Variants in PIK3AP1 observed in about 807,000 individuals in gnomAD.
PIK3AP1 encodes phosphoinositide 3-kinase adapter protein 1.
A neutral mutation model predicts 88.1 loss-of-function variants in PIK3AP1; 21 were observed. The ratio of observed to expected loss-of-function variants is 0.24; its 90% CI spans 0.17 to 0.34. The LOEUF is 0.34. Among genes scored for constraint, PIK3AP1 ranks in the 10% least tolerant of loss-of-function variants. PIK3AP1 has a pLI of 1.00. For synonymous variants in PIK3AP1, 398 were observed against 400.0 expected (o/e 1.00, Z 0.06); for missense variants, 828 against 1,035.7 (o/e 0.80, Z 2.75).
intron 7 of PIK3AP1, among the ~76,000 whole-genome samples, chr10:96,646,287 C>T (rs969960966): frequency 1.3e-5 from 2 of 151,930 alleles, no homozygotes; most frequent in Admixed American, 1.3e-4. Context: ...TTCCCGTGAG[C>T]ACCTTTTAAA....
intron 8 of PIK3AP1, among the ~76,000 whole-genome samples, chr10:96,632,308 A>G (rs906829596): frequency 3.3e-5 from 5 of 152,154 alleles, no homozygotes; most frequent in Non-Finnish European, 5.9e-5. Flanking sequence ...TAATTGTACT[A>G]TGGTTATGTA....
chr10:96,611,377 G>T (rs1480107127), intron 13 of PIK3AP1, among the ~76,000 whole-genome samples: 1 of 152,132 alleles, frequency 6.6e-6, no homozygotes, highest in African/African-American at 2.4e-5. Flanking sequence ...ATAGCCAGGG[G>T]CACTCACTCT....
At chr10:96,699,577 C>G (rs979715932) in intron 2 of PIK3AP1, among the ~76,000 whole-genome samples, 4 of 152,194 alleles carry the variant, frequency 2.6e-5, no homozygotes, top group Non-Finnish European at 4.4e-5. Flanking sequence ...GACACCATCA[C>G]AGCAGTGACT....
At chr10:96,600,758 A>G (rs976769860) in intron 16 of PIK3AP1, among the ~76,000 whole-genome samples, 3 of 152,250 alleles carry the variant, frequency 2.0e-5, no homozygotes, top group African/African-American at 7.2e-5. Context: ...TGCAAAAATC[A>G]AAACAAAACC....
chr10:96,666,777 T>C (rs929091297), intron 2 of PIK3AP1, among the ~76,000 whole-genome samples: 1 of 152,052 alleles, frequency 6.6e-6, no homozygotes, highest in African/African-American at 2.4e-5. Context: ...TCAATGCTTA[T>C]TCCCATTTTA....
chr10:96,662,091 A>G (rs2134244247), intron 2 of PIK3AP1, among the ~76,000 whole-genome samples: 1 of 152,332 alleles, frequency 6.6e-6, no homozygotes, highest in Middle Eastern at 3.4e-3. Flanking sequence ...TAAATTTAAA[A>G]CTTTAGTAAA....
rs1472506960 is a variant in PIK3AP1, at chr10:96,637,309, T to TACAATC, written c.1375+8158_1375+8163dup. ...GGGAGAGGAAGATGTGGGAGAGATA[T>TACAATC]ACAATCACACACACACACACACACA... On this transcript the variant is annotated intron_variant, in intron 8 of 16. Transcript: ENST00000339364. Among the ~76,000 whole-genome samples the TACAATC allele has an allele frequency of 2.6e-5, 3 of 114,768 alleles. No homozygotes were observed. In the East Asian group the frequency reaches 8.6e-4, roughly 33 times the overall value. 75.3% of individuals were successfully genotyped at this position (114,768 alleles called of 152,430 possible).
chr10:96,601,263 C>G (rs1848884541), intron 16 of PIK3AP1, among the ~76,000 whole-genome samples: 1 of 151,874 alleles, frequency 6.6e-6, no homozygotes, highest in South Asian at 2.1e-4. Flanking sequence ...TACCTGAAGT[C>G]AGGAGTTCGA....
chr10:96,673,505 C>T (rs547564923), intron 2 of PIK3AP1, among the ~76,000 whole-genome samples: 10 of 152,322 alleles, frequency 6.6e-5, no homozygotes, highest in African/African-American at 2.2e-4. Context: ...CAGCCCCCCC[C>T]GAAAGGCTTC....
chr10:96,658,063 C>CA lies in PIK3AP1; in HGVS notation c.431-1130dup, dbSNP rs10706863. Among the ~76,000 whole-genome samples the CA allele has an allele frequency of 7.1e-3, 813 of 113,870 alleles. 11 individuals are homozygous for CA. Among genetic ancestry groups the CA allele is most frequent in the African/African-American group, 0.012 (380 of 30,808 alleles). The allele number at this position is 113,870 out of a possible 152,430, so 74.7% of individuals were successfully genotyped here. On this transcript the variant is annotated intron_variant, in intron 2 of 16. Transcript: ENST00000339364. ...GGGTAACAAGAGTGAAACTCCATCT[C>CA]AAAAAAAAAAAAAAAAAATAGAATG...
chr10:96,629,454 C>T (rs968863264), intron 8 of PIK3AP1, among the ~76,000 whole-genome samples: 3 of 151,900 alleles, frequency 2.0e-5, no homozygotes, highest in African/African-American at 7.3e-5. Flanking sequence ...AAAGGAAATA[C>T]ATATTCTTGA....
At chr10:96,620,123 A>G (rs1843055820) in intron 12 of PIK3AP1, among the ~76,000 whole-genome samples, 1 of 152,184 alleles carries the variant, frequency 6.6e-6, no homozygotes, top group Non-Finnish European at 1.5e-5. Flanking sequence ...CCTGATCTCA[A>G]GCCTCATGGT....
At position 96,645,227 on chromosome 10, in the gene PIK3AP1, G is replaced by C. The variant is rs76865084; in HGVS notation, c.1375+246C>G. Among the ~76,000 whole-genome samples, 1,208 of 152,278 alleles carry C rather than the reference G, an allele frequency of 7.9e-3. 17 individuals are homozygous for C. The highest frequency in any genetic ancestry group is 0.028 in the African/African-American group (1,156 of 41,552). ...GGCCTCTCAGATCACGAGGCAATGA[G>C]TTCATCAATTCTGACTTCCAGATAT... On this transcript the variant is annotated intron_variant, in intron 8 of 16. Coordinates refer to ENST00000339364, the MANE Select transcript of PIK3AP1 (RefSeq NM_152309.3).
chr10:96,653,288 C>G (rs1262765590), intron 3 of PIK3AP1, among the ~76,000 whole-genome samples: 1 of 150,434 alleles, frequency 6.6e-6, no homozygotes, highest in Non-Finnish European at 1.5e-5. Flanking sequence ...GCCTGTAGTT[C>G]CAGTTACTCA....
intron 1 of PIK3AP1, among the ~76,000 whole-genome samples, chr10:96,715,893 GAA>G (rs754473479): frequency 0.02 from 2,032 of 101,402 alleles, 32 homozygotes; most frequent in African/African-American, 0.051. Flanking sequence ...CCATTTCAAA[GAA>G]AAAAAAAAAA....
At chr10:96,677,848 A>T (rs775025095) in intron 2 of PIK3AP1, among the ~76,000 whole-genome samples, 5 of 152,204 alleles carry the variant, frequency 3.3e-5, no homozygotes, top group Non-Finnish European at 5.9e-5. Flanking sequence ...AGGGGTTCTC[A>T]TCACCTCAGA....
chr10:96,636,326 T>G (rs1169069397), intron 8 of PIK3AP1, among the ~76,000 whole-genome samples: 1 of 152,232 alleles, frequency 6.6e-6, no homozygotes, highest in Non-Finnish European at 1.5e-5. Context: ...AAAATGCTCT[T>G]TTCCATACCT....
chr10:96,663,801 A>G (rs377155951), intron 2 of PIK3AP1, among the ~76,000 whole-genome samples: 21 of 152,328 alleles, frequency 1.4e-4, no homozygotes, highest in African/African-American at 4.3e-4. Context: ...GAAGGAATAC[A>G]AATTACCTCC....
intron 15 of PIK3AP1, 105 bp from the exon 16 acceptor site, chr10:96,602,503 T>G: frequency 4.2e-6 from 4 of 954,356 alleles, no homozygotes; most frequent in Non-Finnish European, 6.5e-6. Context: ...AGGCTGGGGC[T>G]GAAGGTTGTT....
Sources: allele counts gnomAD v4.1 joint callset (sites outside exome capture counted in the v4.1 genomes callset), GRCh38; gene constraint gnomAD v4.1.1; transcripts MANE v1.5; gene names NCBI Gene and HGNC (gene_info 2026-07-23, HGNC 2026-07-21).